NCAM2: variants seen among roughly 807,000 people sequenced by gnomAD.
NCAM2 encodes neural cell adhesion molecule 2.
A neutral mutation model predicts 98.1 loss-of-function variants in NCAM2; 30 were observed. That is an observed-to-expected ratio of 0.31 (90% CI 0.23 to 0.41). NCAM2 has a LOEUF of 0.41. Ranked by LOEUF, NCAM2 falls within the 10% of genes least tolerant of loss-of-function variation. The probability of loss-of-function intolerance (pLI) is 1.00; values close to 1 mark genes in which losing one functional copy is unlikely to be tolerated. For synonymous variants in NCAM2, 368 were observed against 342.4 expected (o/e 1.07, Z -0.83); for missense variants, 867 against 1,005.8 (o/e 0.86, Z 1.87).
chr21:21,115,957 T>G (rs957313220), intron 1 of NCAM2, among the ~76,000 whole-genome samples: 2 of 147,174 alleles, frequency 1.4e-5, no homozygotes, highest in African/African-American at 5.1e-5. Context: ...CTCTGAGATT[T>G]TGTGTGTGTG....
intron 1 of NCAM2, among the ~76,000 whole-genome samples, chr21:21,060,194 A>G (rs62209018): frequency 0.022 from 3,349 of 152,176 alleles, 60 homozygotes; most frequent in Non-Finnish European, 0.032. Context: ...CATAATGCCA[A>G]TTGAAAAAGG....
intron 12 of NCAM2, among the ~76,000 whole-genome samples, chr21:21,442,248 G>A (rs1000389347): frequency 1.3e-5 from 2 of 152,114 alleles, no homozygotes; most frequent in Non-Finnish European, 2.9e-5. Flanking sequence ...CTAAATGAAA[G>A]ACACACAGCA....
intron 14 of NCAM2, among the ~76,000 whole-genome samples, chr21:21,471,255 T>A (rs1984406665): frequency 6.6e-6 from 1 of 152,016 alleles, no homozygotes; most frequent in African/African-American, 2.4e-5. Flanking sequence ...ATACTCTATA[T>A]ATCCCTATTT....
intron 9 of NCAM2, among the ~76,000 whole-genome samples, chr21:21,377,620 T>G (rs1252865936): frequency 1.3e-5 from 2 of 151,926 alleles, no homozygotes; most frequent in South Asian, 4.1e-4. Context: ...GTAATTTTTG[T>G]TATATGTATA....
At chr21:21,483,508 C>T (rs1373209842) in intron 15 of NCAM2, among the ~76,000 whole-genome samples, 1 of 151,946 alleles carries the variant, frequency 6.6e-6, no homozygotes, top group Non-Finnish European at 1.5e-5. Context: ...TCAAGCAACA[C>T]TAATAAATCC....
At chr21:21,063,895 G>T (rs1296264926) in intron 1 of NCAM2, among the ~76,000 whole-genome samples, 1 of 152,050 alleles carries the variant, frequency 6.6e-6, no homozygotes, top group Non-Finnish European at 1.5e-5. Context: ...TTATATTTCT[G>T]TTCTGGCCAT....
At chr21:21,411,737 A>G (rs1246956867) in intron 10 of NCAM2, among the ~76,000 whole-genome samples, 1 of 152,182 alleles carries the variant, frequency 6.6e-6, no homozygotes, top group Non-Finnish European at 1.5e-5. Flanking sequence ...AATACCGTCT[A>G]ATATCCATAC....
At chr21:21,283,478 C>T (rs1165914630) in intron 2 of NCAM2, among the ~76,000 whole-genome samples, 1 of 151,584 alleles carries the variant, frequency 6.6e-6, no homozygotes, top group Non-Finnish European at 1.5e-5. Context: ...AAATGTTTAC[C>T]CTGTAATGAT....
At chr21:21,424,061 A>G (rs1056299363) in intron 11 of NCAM2, among the ~76,000 whole-genome samples, 3 of 152,230 alleles carry the variant, frequency 2.0e-5, no homozygotes, top group South Asian at 2.1e-4. Context: ...TCACCTAAAT[A>G]TAACGGCAGG....
At chr21:21,302,163 G>A (rs372879517) in intron 5 of NCAM2, among the ~76,000 whole-genome samples, 2 of 146,240 alleles carry the variant, frequency 1.4e-5, no homozygotes, top group Non-Finnish European at 2.9e-5. Flanking sequence ...ACATGCACAC[G>A]TATGTTTATT....
At chr21:21,339,087 TAGAC>T (rs981802259) in intron 8 of NCAM2, among the ~76,000 whole-genome samples, 29 of 152,286 alleles carry the variant, frequency 1.9e-4, no homozygotes, top group African/African-American at 6.5e-4. Flanking sequence ...ATTTTCTACT[TAGAC>T]AGGTGTCAAC....
At chr21:21,064,144 G>C (rs1442674395) in intron 1 of NCAM2, among the ~76,000 whole-genome samples, 2 of 152,120 alleles carry the variant, frequency 1.3e-5, no homozygotes, top group African/African-American at 4.8e-5. Context: ...GGTCAGTGTG[G>C]CTACAGCATT....
chr21:21,101,780 A>G (rs534237112), intron 1 of NCAM2, among the ~76,000 whole-genome samples: 2 of 152,200 alleles, frequency 1.3e-5, no homozygotes, highest in South Asian at 4.1e-4. Context: ...ATACACAAAA[A>G]AATAAATGAA....
At chr21:21,031,335 C>T (rs764919814) in intron 1 of NCAM2, among the ~76,000 whole-genome samples, 34 of 152,130 alleles carry the variant, frequency 2.2e-4, no homozygotes, top group Non-Finnish European at 4.4e-4. Context: ...TACCTTAAAT[C>T]GAGACATGAA....
intron 1 of NCAM2, among the ~76,000 whole-genome samples, chr21:21,106,247 G>T (rs2066342760): frequency 6.9e-6 from 1 of 144,238 alleles, no homozygotes; most frequent in Admixed American, 7.0e-5. Context: ...GTTCCAGGCT[G>T]CAGCGAGCTG....
intron 1 of NCAM2, among the ~76,000 whole-genome samples, chr21:21,234,655 A>G (rs1488548912): frequency 6.6e-6 from 1 of 151,942 alleles, no homozygotes; most frequent in Non-Finnish European, 1.5e-5. Context: ...CGTGGTGTGA[A>G]TCATACATGC....
chr21:21,132,530 A>G (rs1215811468), intron 1 of NCAM2, among the ~76,000 whole-genome samples: 1 of 152,132 alleles, frequency 6.6e-6, no homozygotes, highest in Non-Finnish European at 1.5e-5. Context: ...TTAATTATGT[A>G]TGTGTACATA....
chr21:21,454,291 A>G (rs192390758), intron 12 of NCAM2, among the ~76,000 whole-genome samples: 1 of 152,192 alleles, frequency 6.6e-6, no homozygotes, highest in East Asian at 1.9e-4. Flanking sequence ...TGGAGTGTGT[A>G]TGTTTGTGTA....
intron 1 of NCAM2, among the ~76,000 whole-genome samples, chr21:21,265,449 CACATATATA>C (rs1568857252): frequency 7.8e-6 from 1 of 127,848 alleles, no homozygotes; most frequent in Non-Finnish European, 1.6e-5. Flanking sequence ...TATATATACA[CACATATATA>C]ATATATGTGT....
Sources: allele counts gnomAD v4.1 joint callset (sites outside exome capture counted in the v4.1 genomes callset), GRCh38; gene constraint gnomAD v4.1.1; transcripts MANE v1.5; gene names NCBI Gene and HGNC (gene_info 2026-07-23, HGNC 2026-07-21).